TMEM266: variants seen among roughly 807,000 people sequenced by gnomAD.
The protein encoded by TMEM266 is transmembrane protein 266.
Under a neutral mutation model 50.5 loss-of-function variants are expected in TMEM266, and 33 were observed. The ratio of observed to expected loss-of-function variants is 0.65; its 90% CI spans 0.50 to 0.87. The LOEUF (loss-of-function observed/expected upper bound fraction) is 0.87. TMEM266 is among the 40% of genes least tolerant of loss of function. The pLI is 0.00. For missense variants in TMEM266, 655 were observed against 695.1 expected, an observed-to-expected ratio of 0.94 and a Z score of 0.65; for synonymous variants, 310 against 292.3, an observed-to-expected ratio of 1.06 and a Z score of -0.62.
At chr15:76,147,186 T>G (rs1596134135) in intron 3 of TMEM266, among the ~76,000 whole-genome samples, 1 of 152,318 alleles carries the variant, frequency 6.6e-6, no homozygotes, top group East Asian at 1.9e-4. Context: ...CTACTGTGGT[T>G]GTTGGCTGGC....
intron 1 of TMEM266, among the ~76,000 whole-genome samples, chr15:76,107,989 G>A (rs1490683084): frequency 6.6e-6 from 1 of 152,162 alleles, no homozygotes; most frequent in South Asian, 2.1e-4. Flanking sequence ...GCCATACATC[G>A]TCCTTTTTCA....
intron 1 of TMEM266, among the ~76,000 whole-genome samples, chr15:76,116,277 CT>C (rs35063248): frequency 0.5 from 75,788 of 151,756 alleles, 20,238 homozygotes; most frequent in East Asian, 0.76. Context: ...CCTCCGCAGT[CT>C]TTGTAGTTTG....
intron 1 of TMEM266, among the ~76,000 whole-genome samples, chr15:76,089,413 T>G (rs2036819171): frequency 6.6e-6 from 1 of 151,964 alleles, no homozygotes; most frequent in Non-Finnish European, 1.5e-5. Context: ...CAGGATGGTC[T>G]CGATCTCCTG....
chr15:76,133,753 G>A (rs2037549424), intron 1 of TMEM266, among the ~76,000 whole-genome samples: 1 of 152,224 alleles, frequency 6.6e-6, no homozygotes, highest in African/African-American at 2.4e-5. Flanking sequence ...ACTACTGGAA[G>A]GGAAAGGGAA....
chr15:76,195,507 G>A (rs1172751316), intron 9 of TMEM266, among the ~76,000 whole-genome samples: 1 of 152,192 alleles, frequency 6.6e-6, no homozygotes, highest in African/African-American at 2.4e-5. Flanking sequence ...CTGGAAGGTG[G>A]GAGCAATTTT....
In TMEM266 at chr15:76,191,972, A is replaced by G; in HGVS notation, c.773A>G (p.Glu258Gly). 1 of 1,581,856 alleles carries G rather than the reference A, an allele frequency of 6.3e-7. No homozygotes were observed. The highest frequency in any genetic ancestry group is 8.6e-7 in the Non-Finnish European group (1 of 1,169,172). ...CTTGCCCGTCTCCCTCCGCAGTTTG[A>G]GATCCGGCAGCTGCGCGCGCACCTG... The change falls in exon 9 of 11, where the codon GAG (glutamate) becomes GGG (glycine). Residue 258 changes from glutamate (E) to glycine (G), a missense_variant. Transcript: ENST00000388942.
intron 1 of TMEM266, among the ~76,000 whole-genome samples, chr15:76,073,636 G>A (rs1213448465): frequency 2.0e-5 from 3 of 152,190 alleles, no homozygotes; most frequent in African/African-American, 4.8e-5. Flanking sequence ...TATATTGGTT[G>A]GAAAAGTCAA....
In TMEM266 at chr15:76,108,145, G is replaced by A. The variant is rs74585728; in HGVS notation, c.-96-26023G>A. Among the ~76,000 whole-genome samples, 450 of 152,352 alleles carry A rather than the reference G, an allele frequency of 3.0e-3. 14 individuals are homozygous for A. In the East Asian group the frequency reaches 0.076, roughly 26 times the overall value. On this transcript the variant is annotated intron_variant, in intron 1 of 10. Coordinates refer to ENST00000388942, the MANE Select transcript of TMEM266 (RefSeq NM_152335.3). Reference sequence around the variant, plus strand: ...GCACCACCCCCAGCTTCTATCTCAGGGTCATGCTCTGTCGTGACAACTTGA... The same window carrying A: ...GCACCACCCCCAGCTTCTATCTCAGAGTCATGCTCTGTCGTGACAACTTGA...
intron 1 of TMEM266, among the ~76,000 whole-genome samples, chr15:76,119,839 T>C (rs2037313362): frequency 6.6e-6 from 1 of 152,206 alleles, no homozygotes; most frequent in South Asian, 2.1e-4. Context: ...TGGCTACATA[T>C]TTTCTTTTGT....
chr15:76,075,308 AGAG>A (rs2036589805), intron 1 of TMEM266, among the ~76,000 whole-genome samples: 1 of 152,140 alleles, frequency 6.6e-6, no homozygotes, highest in Non-Finnish European at 1.5e-5. Flanking sequence ...TTAGAGGTCA[AGAG>A]GAGGAGGAAG....
At chr15:76,061,441 A>C (rs1244780262) in intron 1 of TMEM266, among the ~76,000 whole-genome samples, 1 of 152,226 alleles carries the variant, frequency 6.6e-6, no homozygotes, top group Non-Finnish European at 1.5e-5. Context: ...TGCAAACTCA[A>C]GCACATGGGG....
At chr15:76,148,239 C>T (rs1187301463) in intron 3 of TMEM266, among the ~76,000 whole-genome samples, 1 of 152,124 alleles carries the variant, frequency 6.6e-6, no homozygotes, top group Non-Finnish European at 1.5e-5. Flanking sequence ...ATGGGAGTCC[C>T]CAGTCATCTG....
chr15:76,164,109 C>T (rs530759845), intron 5 of TMEM266, among the ~76,000 whole-genome samples: 220 of 152,258 alleles, frequency 1.4e-3, no homozygotes, highest in Non-Finnish European at 1.8e-3. Flanking sequence ...TTAACTCTTC[C>T]GGATATTTCA....
chr15:76,141,469 C>T (rs1208646110), intron 3 of TMEM266, among the ~76,000 whole-genome samples: 2 of 152,064 alleles, frequency 1.3e-5, no homozygotes, highest in Non-Finnish European at 2.9e-5. Flanking sequence ...AAACTCCTGA[C>T]CTCAAGTGAT....
At chr15:76,192,446 C>A (rs376514071) in intron 9 of TMEM266, among the ~76,000 whole-genome samples, 3 of 152,200 alleles carry the variant, frequency 2.0e-5, no homozygotes, top group African/African-American at 7.2e-5. Context: ...CCTGTCCTCG[C>A]GGTAGCCGGA....
chr15:76,175,503 C>T (rs2038259974), intron 7 of TMEM266, 56 bp from the exon 8 acceptor site: 2 of 1,419,736 alleles, frequency 1.4e-6, no homozygotes, highest in Non-Finnish European at 2.0e-6. Flanking sequence ...CCCGCCCTTC[C>T]CTAGTCCAAG....
intron 1 of TMEM266, among the ~76,000 whole-genome samples, chr15:76,098,866 T>C (rs1408007917): frequency 6.6e-6 from 1 of 152,166 alleles, no homozygotes; most frequent in African/African-American, 2.4e-5. Flanking sequence ...AGCAGCTTTG[T>C]TTACACTGTG....
Position 76,161,537 on chromosome 15 carries a change from G to A in TMEM266, c.456+1369G>A, listed in dbSNP as rs8032844. Reference sequence around the variant, plus strand: ...GTCTTGAGTCCAGAATCCTGAGTCCGGGTGTGGGGTGTGGTGGGCCGGGCA... The same window carrying A: ...GTCTTGAGTCCAGAATCCTGAGTCCAGGTGTGGGGTGTGGTGGGCCGGGCA... On this transcript the variant is annotated intron_variant, in intron 5 of 10. Transcript: ENST00000388942. This position sits in a 1 kb window ranked among gnomAD's most constrained non-coding sequence, Gnocchi z 4.1. Among the ~76,000 whole-genome samples the A allele has an allele frequency of 0.015, 2,333 of 152,244 alleles. 41 individuals carry two copies. Among genetic ancestry groups the A allele is most frequent in the African/African-American group, 0.053 (2,221 of 41,520 alleles).
intron 1 of TMEM266, among the ~76,000 whole-genome samples, chr15:76,107,722 A>G (rs1596108823): frequency 1.3e-5 from 2 of 152,206 alleles, no homozygotes; most frequent in Non-Finnish European, 2.9e-5. Flanking sequence ...CAAATATAGT[A>G]TTTGAATGAA....
Sources: allele counts gnomAD v4.1 joint callset (sites outside exome capture counted in the v4.1 genomes callset), GRCh38; gene constraint gnomAD v4.1.1; non-coding constraint Gnocchi (gnomAD v3.1); transcripts MANE v1.5; gene names NCBI Gene and HGNC (gene_info 2026-07-23, HGNC 2026-07-21).